Variants in GABRA2 observed in about 807,000 individuals in gnomAD.
GABRA2 encodes the protein gamma-aminobutyric acid type A receptor subunit alpha2, also known as gamma-aminobutyric acid receptor subunit alpha-2.
In GABRA2, 16 loss-of-function variants were observed where a neutral mutation model predicts 48.7. That is an observed-to-expected ratio of 0.33 (90% confidence interval 0.22 to 0.50). GABRA2 has a LOEUF of 0.50. GABRA2 is among the 20% of genes least tolerant of loss of function. The probability of loss-of-function intolerance (pLI) is 0.98; values close to 1 mark genes in which losing one functional copy is unlikely to be tolerated. For missense variants in GABRA2, 275 were observed against 535.6 expected (o/e 0.51, Z 4.80); for synonymous variants, 185 against 184.5 (o/e 1.00, Z -0.02).
intron 3 of GABRA2, among the ~76,000 whole-genome samples, chr4:46,361,201 G>A (rs181444087): frequency 3.5e-4 from 53 of 152,312 alleles, no homozygotes; most frequent in African/African-American, 1.2e-3. Context: ...TCCTGGGCAT[G>A]TAAGAGACCT....
intron 4 of GABRA2, among the ~76,000 whole-genome samples, chr4:46,318,604 C>A (rs1358262313): frequency 6.6e-6 from 1 of 151,452 alleles, no homozygotes; most frequent in African/African-American, 2.4e-5. Flanking sequence ...AGAGTTATTA[C>A]CTGATTTGTG....
chr4:46,297,006 G>C (rs1429763664), intron 8 of GABRA2, among the ~76,000 whole-genome samples: 3 of 152,120 alleles, frequency 2.0e-5, no homozygotes, highest in Non-Finnish European at 4.4e-5. Context: ...GTGTAATTAT[G>C]ACCTTATTAT....
intron 4 of GABRA2, among the ~76,000 whole-genome samples, chr4:46,320,463 C>T (rs1004647752): frequency 2.6e-5 from 4 of 151,734 alleles, no homozygotes; most frequent in Non-Finnish European, 4.4e-5. Flanking sequence ...AGCTTCTGTA[C>T]AGCAAAGGAA....
intron 3 of GABRA2, among the ~76,000 whole-genome samples, chr4:46,345,668 T>G (rs1734032150): frequency 6.6e-6 from 1 of 151,872 alleles, no homozygotes; most frequent in African/African-American, 2.4e-5. Flanking sequence ...CTTTCCTAAC[T>G]GGCTCACTTT....
At chr4:46,270,851 T>C (rs555026333) in intron 8 of GABRA2, among the ~76,000 whole-genome samples, 2 of 151,736 alleles carry the variant, frequency 1.3e-5, no homozygotes, top group African/African-American at 4.8e-5. Context: ...AAAGTCAAAC[T>C]AAGGTAGGTA....
chr4:46,289,072 A>G (rs1238328395), intron 8 of GABRA2, among the ~76,000 whole-genome samples: 1 of 152,152 alleles, frequency 6.6e-6, no homozygotes, highest in Non-Finnish European at 1.5e-5. Flanking sequence ...CTGGCAGGAT[A>G]TGGAGAAAAA....
intron 4 of GABRA2, among the ~76,000 whole-genome samples, chr4:46,320,135 G>A (rs1422959983): frequency 6.6e-6 from 1 of 151,826 alleles, no homozygotes; most frequent in African/African-American, 2.4e-5. Flanking sequence ...CTTATGAGAA[G>A]TTACAGGAAG....
intron 4 of GABRA2, among the ~76,000 whole-genome samples, chr4:46,323,076 A>G (rs1230601617): frequency 6.6e-6 from 1 of 151,926 alleles, no homozygotes; most frequent in African/African-American, 2.4e-5. Context: ...TAATAATTAT[A>G]TTTTAAAGAA....
At chr4:46,331,835 G>A (rs1467415586) in intron 4 of GABRA2, among the ~76,000 whole-genome samples, 1 of 152,070 alleles carries the variant, frequency 6.6e-6, no homozygotes, top group African/African-American at 2.4e-5. Context: ...GGGCTCAAGT[G>A]ATCCTCCCAC....
In GABRA2 at chr4:46,244,460, T is replaced by C. The variant is rs1383711897; in HGVS notation, c.*5848A>G. 6.6e-6 allele frequency among the ~76,000 whole-genome samples: 1 copy of C among 151,558 alleles called. No individual in the cohort carries two copies. The highest frequency in any genetic ancestry group is 2.0e-4 in the East Asian group (1 of 5,124). On this transcript the variant is annotated 3_prime_UTR_variant, in exon 10 of 10. Transcript: ENST00000381620. The stretch of plus-strand genomic sequence containing the variant: ...TGGCAAAGTCTTCTAAAAAGAAGCA[T>C]GGAAAACTGACATTTTCAAACCTAG...
At position 46,312,407 on chromosome 4, in the gene GABRA2, G is replaced by A. The variant is rs993541119; in HGVS notation, c.476+89C>T. The A allele has an allele frequency of 8.6e-6, 7 of 811,944 alleles. No homozygotes were observed. The East Asian group carries it at 1.8e-4, about 21-fold the overall frequency. 50.3% of individuals were successfully genotyped at this position (811,944 alleles called of 1,614,324 possible). ...AATCTGTTAGAAAACACTCAACTTT[G>A]TTAATACTTGACAGCTAGATTGGCT... On this transcript the variant is annotated intron_variant, in intron 5 of 9. Coordinates refer to ENST00000381620, the MANE Select transcript of GABRA2 (RefSeq NM_000807.4).
chr4:46,362,586 A>G (rs1025737338), intron 3 of GABRA2, among the ~76,000 whole-genome samples: 3 of 152,248 alleles, frequency 2.0e-5, no homozygotes, highest in African/African-American at 7.2e-5. Context: ...CTTACATTTC[A>G]TTCAATAAGA....
At chr4:46,346,039 A>G (rs947393293) in intron 3 of GABRA2, among the ~76,000 whole-genome samples, 4 of 151,856 alleles carry the variant, frequency 2.6e-5, no homozygotes, top group African/African-American at 9.7e-5. Flanking sequence ...ACATTTTAAG[A>G]TGAGTTAGTC....
intron 3 of GABRA2, among the ~76,000 whole-genome samples, chr4:46,381,014 G>C (rs1195621207): frequency 2.6e-5 from 4 of 152,124 alleles, no homozygotes; most frequent in Non-Finnish European, 5.9e-5. Flanking sequence ...TAAAACAAAA[G>C]TACCAGGTTG....
chr4:46,274,398 A>G (rs989604374), intron 8 of GABRA2, among the ~76,000 whole-genome samples: 1 of 152,084 alleles, frequency 6.6e-6, no homozygotes. Context: ...TTTTCAATAT[A>G]ATTAATCTAA....
At chr4:46,275,892 A>G (rs1225049489) in intron 8 of GABRA2, among the ~76,000 whole-genome samples, 1 of 152,172 alleles carries the variant, frequency 6.6e-6, no homozygotes, top group Non-Finnish European at 1.5e-5. Context: ...AAAATAAAGG[A>G]TAGCTTTTAT....
At chr4:46,303,634 C>T (rs186931997) in intron 7 of GABRA2, 22 bp from the exon 8 acceptor site, 3 of 1,604,610 alleles carry the variant, frequency 1.9e-6, no homozygotes, top group African/African-American at 1.3e-5. Flanking sequence ...ATTTAAGAAG[C>T]TCAAGGAGTA....
chr4:46,340,376 C>G (rs1007409875), intron 3 of GABRA2, among the ~76,000 whole-genome samples: 2 of 151,888 alleles, frequency 1.3e-5, no homozygotes, highest in African/African-American at 4.8e-5. Context: ...CAGTCTTTCC[C>G]AATTCTCCCT....
rs1378742382 is a variant in GABRA2, at chr4:46,248,730, C to A, written c.*1578G>T. The A allele has an allele frequency of 6.6e-6, 1 of 151,368 alleles. No individual in the cohort carries two copies. Among genetic ancestry groups the A allele is most frequent in the Non-Finnish European group, 1.5e-5 (1 of 67,618 alleles). 9.4% of individuals were successfully genotyped at this position (151,368 alleles called of 1,614,324 possible). On this transcript the variant is annotated 3_prime_UTR_variant, in exon 10 of 10. Transcript: ENST00000381620. ...AACATACCTATTTATGCACTATACT[C>A]AAATACTGTACAAAACTGCAATAAA... is the stretch of plus-strand genomic sequence containing the variant.
Sources: gnomAD v4.1 joint callset for allele counts (sites outside exome capture counted in the v4.1 genomes callset) on GRCh38, gnomAD v4.1.1 for gene constraint, MANE v1.5 for transcripts, NCBI Gene and HGNC (gene_info 2026-07-23, HGNC 2026-07-21) for gene names.